TRIO: variants seen among roughly 807,000 people sequenced by gnomAD.
The protein encoded by TRIO is triple functional domain protein.
In TRIO, 58 loss-of-function variants were observed where a neutral mutation model predicts 351.9. The ratio of observed to expected loss-of-function variants is 0.16; its 90% CI spans 0.13 to 0.21. The LOEUF (loss-of-function observed/expected upper bound fraction) is 0.21, where lower values mean the gene tolerates loss of function less well. TRIO is among the 10% of genes least tolerant of loss of function. TRIO has a pLI of 1.00. For missense variants in TRIO, 3,201 were observed against 4,027.8 expected (o/e 0.79, Z 5.56); for synonymous variants, 1,758 against 1,595.7 (o/e 1.10, Z -2.42).
intron 1 of TRIO, among the ~76,000 whole-genome samples, chr5:14,213,373 G>A (rs901156231): frequency 6.7e-6 from 1 of 149,180 alleles, no homozygotes; most frequent in African/African-American, 2.5e-5. Flanking sequence ...TATAATATAT[G>A]CACTATATAT....
intron 1 of TRIO, among the ~76,000 whole-genome samples, chr5:14,167,515 T>A (rs1215301609): frequency 1.3e-5 from 2 of 152,218 alleles, no homozygotes; most frequent in African/African-American, 4.8e-5. Context: ...AAAAACAGTC[T>A]TGTTAAAGAA....
At chr5:14,293,390 C>T (rs1737069964) in intron 6 of TRIO, among the ~76,000 whole-genome samples, 1 of 152,220 alleles carries the variant, frequency 6.6e-6, no homozygotes, top group African/African-American at 2.4e-5. Flanking sequence ...TAGTTCAGCA[C>T]AGACACTTGG....
chr5:14,471,377 CTTCAACCCTTCG>C lies in TRIO; in HGVS notation c.5824_5835del (p.Phe1942_Ser1945del). The C allele has an allele frequency of 6.2e-7, 1 of 1,614,170 alleles. No homozygotes were observed. Among genetic ancestry groups the C allele is most frequent in the Non-Finnish European group, 8.5e-7 (1 of 1,180,036 alleles). On this transcript the variant is annotated inframe_deletion, in exon 38 of 57. Coordinates refer to ENST00000344204, the MANE Select transcript of TRIO (RefSeq NM_007118.4). ...ACCAGGGAGATAGTAGCAGCCCTTC[CTTCAACCCTTCG>C]GATAATTCCCTTCTCTCTTCCTCCT...
chr5:14,201,193 G>C (rs1791084845), intron 1 of TRIO, among the ~76,000 whole-genome samples: 1 of 152,160 alleles, frequency 6.6e-6, no homozygotes, highest in Non-Finnish European at 1.5e-5. Context: ...CCGGGAGGCA[G>C]AGGTTGCAGT....
chr5:14,227,100 C>T (rs1581394457), intron 1 of TRIO, among the ~76,000 whole-genome samples: 2 of 152,186 alleles, frequency 1.3e-5, no homozygotes, highest in Non-Finnish European at 2.9e-5. Flanking sequence ...AAATAGGAAA[C>T]GCTGTGTTAT....
At chr5:14,167,614 T>C (rs1225047808) in intron 1 of TRIO, among the ~76,000 whole-genome samples, 1 of 152,226 alleles carries the variant, frequency 6.6e-6, no homozygotes, top group Admixed American at 6.5e-5. Flanking sequence ...AAATGCTGAT[T>C]TCTGGGGCCT....
intron 9 of TRIO, among the ~76,000 whole-genome samples, chr5:14,330,041 A>C (rs1581632762): frequency 6.6e-6 from 1 of 152,228 alleles, no homozygotes; most frequent in African/African-American, 2.4e-5. Context: ...TATTGTTCGC[A>C]GGTCAACTCT....
chr5:14,306,769 G>A (rs1738410583), intron 8 of TRIO, among the ~76,000 whole-genome samples: 1 of 152,176 alleles, frequency 6.6e-6, no homozygotes, highest in Non-Finnish European at 1.5e-5. Context: ...GGCTCTTTCA[G>A]TCTGCTTGTT....
chr5:14,465,980 C>G (rs1025028093), intron 37 of TRIO: 1 of 302,260 alleles, frequency 3.3e-6, no homozygotes, highest in Non-Finnish European at 6.5e-6. Flanking sequence ...GATTGCCAAC[C>G]ACAGCAGCTC....
At chr5:14,390,542 C>T (rs1326358826) in intron 26 of TRIO, 1 of 556,650 alleles carries the variant, frequency 1.8e-6, no homozygotes, top group Non-Finnish European at 3.2e-6. Flanking sequence ...TCCGCTTGAC[C>T]CTGGGGATTT....
In TRIO at chr5:14,185,609, G is replaced by T. The variant is rs141340569; in HGVS notation, c.157+41727G>T. Among the ~76,000 whole-genome samples the T allele has an allele frequency of 2.0e-5, 3 of 152,326 alleles. No homozygotes were observed. In the East Asian group the frequency reaches 5.8e-4, roughly 29 times the overall value. On this transcript the variant is annotated intron_variant, in intron 1 of 56. Transcript: ENST00000344204. ...TGGGGCAGCTCTTCTCAGGCCAAAT[G>T]CCTAGGAAAGGGTGGGGAGGGGCTG...
intron 20 of TRIO, among the ~76,000 whole-genome samples, chr5:14,378,647 T>C: frequency 6.6e-6 from 1 of 151,930 alleles, no homozygotes; most frequent in East Asian, 1.9e-4. Flanking sequence ...GCAACCTCTG[T>C]CTCCCAGGTT....
In TRIO at chr5:14,390,903, A is replaced by T; in HGVS notation, c.4131A>T (p.Ala1377=). 1 of 1,595,246 alleles carries T rather than the reference A, an allele frequency of 6.3e-7. No individual in the cohort carries two copies. The highest frequency in any genetic ancestry group is 8.5e-7 in the Non-Finnish European group (1 of 1,174,718). ...EDVGHCFVTW[A]DKFQMYVTYC... is the part of the protein sequence containing the mutation. ...ATCTTTTTTTTTTTGGCTTACAGGC[A>T]GACAAGTTTCAGATGTATGTCACAT... The change falls in exon 27 of 57, where the codon GCA becomes GCT. Residue 1377 remains alanine (A), a splice_region_variant and synonymous_variant. Transcript: ENST00000344204.
chr5:14,262,159 T>G (rs1795387147), intron 1 of TRIO, among the ~76,000 whole-genome samples: 1 of 152,232 alleles, frequency 6.6e-6, no homozygotes, highest in African/African-American at 2.4e-5. Context: ...GCCCCTTTCC[T>G]TTAGGAGCCC....
intron 7 of TRIO, among the ~76,000 whole-genome samples, chr5:14,302,295 T>C (rs1386937751): frequency 6.6e-6 from 1 of 152,228 alleles, no homozygotes; most frequent in Non-Finnish European, 1.5e-5. Flanking sequence ...ATCTTAAGAA[T>C]ACGTTGCAAC....
At chr5:14,395,788 G>A (rs1393507278) in intron 28 of TRIO, among the ~76,000 whole-genome samples, 3 of 152,156 alleles carry the variant, frequency 2.0e-5, no homozygotes, top group South Asian at 4.1e-4. Context: ...TATCTTGGCT[G>A]TAATCCCAGC....
intron 34 of TRIO, among the ~76,000 whole-genome samples, chr5:14,451,687 A>T (rs1009401324): frequency 6.6e-6 from 1 of 152,372 alleles, no homozygotes; most frequent in Non-Finnish European, 1.5e-5. Flanking sequence ...CAGACATTAG[A>T]AGCAGTTGCT....
chr5:14,436,634 G>A (rs545844046), intron 34 of TRIO, among the ~76,000 whole-genome samples: 4 of 152,318 alleles, frequency 2.6e-5, no homozygotes, highest in East Asian at 3.9e-4. Context: ...TCCTAGATAC[G>A]ATGGGGGTAT....
At position 14,461,047 on chromosome 5, in the gene TRIO, C is replaced by T. The variant is rs1200816546; in HGVS notation, c.5232C>T (p.Ala1744=). 3 of 1,582,934 alleles carry T rather than the reference C, an allele frequency of 1.9e-6. No homozygotes were observed. The Admixed American group carries it at 5.2e-5, about 28-fold the overall frequency. Residue 1744 remains alanine (A), a synonymous_variant, in exon 35 of 57, where the codon GCC becomes GCT. Transcript: ENST00000344204. ...KDSLSVSSND[A]SPPASVASLQ... Reference sequence around the variant, plus strand: ...CGCTCTCCGTCTCCAGCAATGACGCCAGTCCACCCGCATCCGTGGCTTCCC... The same window carrying T: ...CGCTCTCCGTCTCCAGCAATGACGCTAGTCCACCCGCATCCGTGGCTTCCC...
Sources: gnomAD v4.1 joint callset for allele counts (sites outside exome capture counted in the v4.1 genomes callset) on GRCh38, gnomAD v4.1.1 for gene constraint, MANE v1.5 for transcripts, NCBI Gene and HGNC (gene_info 2026-07-23, HGNC 2026-07-21) for gene names.